NRG3: variants seen among roughly 807,000 people sequenced by gnomAD.
NRG3 encodes the protein neuregulin 3.
NRG3 carries 31 observed loss-of-function variants against 66.9 expected under a neutral mutation model. The observed-to-expected ratio is 0.46, with a 90% CI of 0.35 to 0.63. NRG3 has a LOEUF of 0.63. NRG3 is among the 20% of genes least tolerant of loss of function. The probability of loss-of-function intolerance (pLI) is 0.00; values close to 1 mark genes in which losing one functional copy is unlikely to be tolerated. For missense variants in NRG3, 910 were observed against 878.9 expected (o/e 1.04, Z -0.45); for synonymous variants, 393 against 359.4 (o/e 1.09, Z -1.06).
intron 1 of NRG3, among the ~76,000 whole-genome samples, chr10:82,133,475 T>G (rs2069089542): frequency 6.6e-6 from 1 of 152,186 alleles, no homozygotes; most frequent in Non-Finnish European, 1.5e-5. Context: ...TAAGTTCTCT[T>G]CATTTAGCTC....
At chr10:82,302,259 T>C (rs2080446861) in intron 1 of NRG3, among the ~76,000 whole-genome samples, 1 of 152,020 alleles carries the variant, frequency 6.6e-6, no homozygotes, top group Admixed American at 6.6e-5. Context: ...GAAGAAGTTA[T>C]TGCAAAAAAA....
chr10:82,734,523 G>C (rs1290457258), intron 2 of NRG3, among the ~76,000 whole-genome samples: 13 of 152,022 alleles, frequency 8.6e-5, no homozygotes, highest in Admixed American at 8.5e-4. Flanking sequence ...CTTCAGTTGG[G>C]CTCAGAAAGA....
Position 82,070,498 on chromosome 10 carries a change from C to G in NRG3, c.823+194335C>G, listed in dbSNP as rs115521497. 3.0e-3 allele frequency among the ~76,000 whole-genome samples: 460 copies of G among 151,954 alleles called. 1 individual carries two copies. The highest frequency in any genetic ancestry group is 0.014 in the Middle Eastern group (4 of 294). On this transcript the variant is annotated intron_variant, in intron 1 of 8. Coordinates refer to ENST00000372141, the MANE Select transcript of NRG3 (RefSeq NM_001010848.4). ...ATTGGAGCAAAGTCAAAAACTGTAA[C>G]AGAAAATATTGATAAATTTAATATA...
chr10:82,086,336 A>G (rs911465872), intron 1 of NRG3, among the ~76,000 whole-genome samples: 1 of 152,112 alleles, frequency 6.6e-6, no homozygotes, highest in Non-Finnish European at 1.5e-5. Flanking sequence ...AGGAGAAGAA[A>G]TTATCAAGTT....
At chr10:82,237,941 G>A (rs1056525162) in intron 1 of NRG3, among the ~76,000 whole-genome samples, 3 of 152,070 alleles carry the variant, frequency 2.0e-5, no homozygotes, top group Non-Finnish European at 4.4e-5. Flanking sequence ...ACAGCAAAGT[G>A]TAATAAGAAA....
At chr10:81,913,218 G>A (rs545091538) in intron 1 of NRG3, among the ~76,000 whole-genome samples, 36 of 152,246 alleles carry the variant, frequency 2.4e-4, no homozygotes, top group African/African-American at 8.7e-4. Flanking sequence ...TTTAGCAGAA[G>A]CTATAATGGA....
At chr10:82,079,650 G>A (rs2065283274) in intron 1 of NRG3, among the ~76,000 whole-genome samples, 1 of 152,012 alleles carries the variant, frequency 6.6e-6, no homozygotes, top group African/African-American at 2.4e-5. Context: ...CAAACCCCTG[G>A]CAATCACTGG....
intron 5 of NRG3, among the ~76,000 whole-genome samples, chr10:82,954,053 T>C (rs1006593027): frequency 6.6e-6 from 1 of 151,528 alleles, no homozygotes; most frequent in South Asian, 2.1e-4. Context: ...TTAACACCCA[T>C]GGTTTTCCAC....
intron 1 of NRG3, chr10:81,877,850 A>G: frequency 6.8e-7 from 1 of 1,479,928 alleles, no homozygotes; most frequent in Non-Finnish European, 8.9e-7. Flanking sequence ...GTTTTGTAGA[A>G]GGATAAAGGA....
chr10:81,890,551 A>G (rs930061792), intron 1 of NRG3, among the ~76,000 whole-genome samples: 7 of 152,212 alleles, frequency 4.6e-5, no homozygotes, highest in Non-Finnish European at 7.3e-5. Context: ...ATCCACGTAT[A>G]CAAAAATAAA....
intron 4 of NRG3, among the ~76,000 whole-genome samples, chr10:82,917,252 C>A (rs569666478): frequency 3.9e-5 from 6 of 152,274 alleles, no homozygotes; most frequent in African/African-American, 1.2e-4. Context: ...AGTGGCTGAA[C>A]AAGCTCACAG....
intron 1 of NRG3, among the ~76,000 whole-genome samples, chr10:82,086,206 A>G (rs1362902366): frequency 6.6e-6 from 1 of 152,142 alleles, no homozygotes; most frequent in Non-Finnish European, 1.5e-5. Context: ...CTCAGGAGAA[A>G]GAATATCTAC....
At chr10:82,875,551 C>A (rs1183413664) in intron 4 of NRG3, among the ~76,000 whole-genome samples, 2 of 151,990 alleles carry the variant, frequency 1.3e-5, no homozygotes, top group African/African-American at 4.8e-5. Flanking sequence ...AGAGATGAGG[C>A]TTCTCTATGT....
chr10:82,700,036 A>T (rs2055738909), intron 2 of NRG3, among the ~76,000 whole-genome samples: 1 of 152,192 alleles, frequency 6.6e-6, no homozygotes, highest in Non-Finnish European at 1.5e-5. Context: ...TCAAGAAGAA[A>T]TTCAACAGGG....
chr10:82,203,248 T>C (rs1192695205), intron 1 of NRG3, among the ~76,000 whole-genome samples: 1 of 151,972 alleles, frequency 6.6e-6, no homozygotes. Flanking sequence ...AGAGCTTGAG[T>C]TGGATTCTAA....
At chr10:81,963,368 C>T (rs376570294) in intron 1 of NRG3, among the ~76,000 whole-genome samples, 12 of 150,506 alleles carry the variant, frequency 8.0e-5, no homozygotes, top group South Asian at 6.4e-4. Context: ...CTCCTGACCT[C>T]GTGATCCGCC....
chr10:82,404,996 G>A (rs919131707), intron 2 of NRG3, among the ~76,000 whole-genome samples: 2 of 152,118 alleles, frequency 1.3e-5, no homozygotes, highest in East Asian at 3.9e-4. Flanking sequence ...CTGCTGCACT[G>A]AGTTAGGAGC....
intron 3 of NRG3, among the ~76,000 whole-genome samples, chr10:82,811,628 A>G (rs1438687532): frequency 6.6e-6 from 1 of 152,244 alleles, no homozygotes; most frequent in African/African-American, 2.4e-5. Context: ...TCCATTCATC[A>G]TCTTTATTCC....
At chr10:82,707,449 C>G (rs1390831526) in intron 2 of NRG3, among the ~76,000 whole-genome samples, 1 of 151,912 alleles carries the variant, frequency 6.6e-6, no homozygotes, top group African/African-American at 2.4e-5. Context: ...CAGAGCCAGA[C>G]TTCAACCTCA....
Sources: gnomAD v4.1 joint callset for allele counts (sites outside exome capture counted in the v4.1 genomes callset) on GRCh38, gnomAD v4.1.1 for gene constraint, MANE v1.5 for transcripts, NCBI Gene and HGNC (gene_info 2026-07-23, HGNC 2026-07-21) for gene names.